Variants in ZNF804B observed in about 807,000 individuals in gnomAD.
ZNF804B encodes zinc finger protein 804B.
ZNF804B carries 80 observed loss-of-function variants against 101.4 expected under a neutral mutation model. The ratio of observed to expected loss-of-function variants is 0.79; its 90% CI spans 0.66 to 0.95. ZNF804B has a LOEUF of 0.95. ZNF804B is among the 40% of genes least tolerant of loss of function. The pLI is 0.00. For missense variants in ZNF804B, 1,673 were observed against 1,561.9 expected, an observed-to-expected ratio of 1.07 and a Z score of -1.20; for synonymous variants, 622 against 558.8, an observed-to-expected ratio of 1.11 and a Z score of -1.59.
At chr7:88,901,700 C>T (rs1455934189) in intron 1 of ZNF804B, among the ~76,000 whole-genome samples, 1 of 151,658 alleles carries the variant, frequency 6.6e-6, no homozygotes, top group Non-Finnish European at 1.5e-5. Context: ...GATCCAAAGA[C>T]AAATTTTTAG....
chr7:88,800,263 T>C (rs183787872), intron 1 of ZNF804B, among the ~76,000 whole-genome samples: 9 of 152,192 alleles, frequency 5.9e-5, no homozygotes. Flanking sequence ...TGAACATTTA[T>C]TGAAAAAGAC....
intron 1 of ZNF804B, among the ~76,000 whole-genome samples, chr7:88,782,900 G>A (rs1790251116): frequency 6.6e-6 from 1 of 152,034 alleles, no homozygotes; most frequent in Admixed American, 6.6e-5. Flanking sequence ...GGACTCTTGG[G>A]GGAAGCATCA....
intron 1 of ZNF804B, among the ~76,000 whole-genome samples, chr7:89,171,983 A>G (rs1276387144): frequency 6.7e-6 from 1 of 150,060 alleles, no homozygotes; most frequent in East Asian, 2.3e-4. Flanking sequence ...AGTCCCTGAC[A>G]CTTACAGAAA....
rs183442858 is a variant in ZNF804B at position 89,134,446 on chromosome 7, A to G, written c.109-83709A>G. 1.5e-3 allele frequency among the ~76,000 whole-genome samples: 226 copies of G among 152,228 alleles called. 1 individual carries two copies. Among genetic ancestry groups the G allele is most frequent in the African/African-American group, 5.1e-3 (212 of 41,560 alleles). On this transcript the variant is annotated intron_variant, in intron 1 of 3. Coordinates refer to ENST00000333190, the MANE Select transcript of ZNF804B (RefSeq NM_181646.5). ...CTAACAGAGCATAATCTCTGCATCCAGAAACAATGAATGAAGAATGGTAGA... is the reference window on the plus strand; with the variant it reads ...CTAACAGAGCATAATCTCTGCATCCGGAAACAATGAATGAAGAATGGTAGA...
chr7:89,020,543 G>T (rs76740619), intron 1 of ZNF804B, among the ~76,000 whole-genome samples: 2 of 152,032 alleles, frequency 1.3e-5, no homozygotes, highest in Non-Finnish European at 2.9e-5. Flanking sequence ...CTCAGAGAGG[G>T]TCTGTTTGGC....
intron 2 of ZNF804B, among the ~76,000 whole-genome samples, chr7:89,282,875 G>A (rs896383363): frequency 2.6e-5 from 4 of 152,104 alleles, no homozygotes; most frequent in South Asian, 2.1e-4. Flanking sequence ...TGAAGGAAGC[G>A]TGGCCCTGCC....
At chr7:89,299,613 A>G (rs1005145630) in intron 2 of ZNF804B, among the ~76,000 whole-genome samples, 2 of 152,066 alleles carry the variant, frequency 1.3e-5, no homozygotes, top group African/African-American at 4.8e-5. Context: ...TGGCTTATTC[A>G]GAGTGCTTTT....
intron 1 of ZNF804B, among the ~76,000 whole-genome samples, chr7:89,153,500 C>T (rs918929106): frequency 5.3e-5 from 8 of 151,362 alleles, no homozygotes; most frequent in Admixed American, 6.6e-5. Context: ...TAGACGTTTA[C>T]TTTTGTACCT....
intron 1 of ZNF804B, among the ~76,000 whole-genome samples, chr7:89,186,554 A>G (rs1788377572): frequency 6.6e-6 from 1 of 152,144 alleles, no homozygotes; most frequent in Admixed American, 6.6e-5. Flanking sequence ...TAAACACTTA[A>G]GTATGAATAC....
At position 89,335,981 on chromosome 7, in the gene ZNF804B, C is replaced by T; in HGVS notation, c.2999C>T (p.Thr1000Ile). The change falls in exon 4 of 4, where the codon ACT becomes ATT. Residue 1000 changes from threonine to isoleucine, a missense_variant. Physicochemically the swap from Thr to Ile is moderately conservative, Grantham distance 89. Transcript: ENST00000333190. ...RNDQDSAIPR[T>I]TEKDKSKSSH... ...GATCAAGACAGTGCAATTCCAAGGA[C>T]TACGGAGAAAGACAAAAGCAAAAGT... is the stretch of plus-strand genomic sequence containing the variant. 1 of 1,614,010 alleles carries T rather than the reference C, an allele frequency of 6.2e-7. No individual in the cohort carries two copies. The highest frequency in any genetic ancestry group is 8.5e-7 in the Non-Finnish European group (1 of 1,179,968).
chr7:88,966,840 A>T (rs1215098398), intron 1 of ZNF804B, among the ~76,000 whole-genome samples: 1 of 151,574 alleles, frequency 6.6e-6, no homozygotes, highest in Non-Finnish European at 1.5e-5. Flanking sequence ...TTAATATTTC[A>T]AGACACGTGT....
intron 1 of ZNF804B, among the ~76,000 whole-genome samples, chr7:89,197,004 T>A (rs1293000809): frequency 6.6e-6 from 1 of 151,692 alleles, no homozygotes; most frequent in African/African-American, 2.4e-5. Context: ...ATAGGAATGC[T>A]TTTACACTGT....
At chr7:88,961,737 A>G (rs544722744) in intron 1 of ZNF804B, among the ~76,000 whole-genome samples, 1 of 151,322 alleles carries the variant, frequency 6.6e-6, no homozygotes, top group Non-Finnish European at 1.5e-5. Flanking sequence ...GCATGACACA[A>G]ACTATATCAC....
chr7:88,835,602 T>C (rs923772044), intron 1 of ZNF804B, among the ~76,000 whole-genome samples: 3 of 151,914 alleles, frequency 2.0e-5, no homozygotes, highest in African/African-American at 7.2e-5. Context: ...GTTCAAAATA[T>C]AATTTAAAGG....
intron 1 of ZNF804B, among the ~76,000 whole-genome samples, chr7:89,115,894 A>G (rs780272366): frequency 5.5e-5 from 7 of 127,072 alleles, no homozygotes; most frequent in Non-Finnish European, 8.0e-5. Context: ...AAAGGTCAAC[A>G]GGTTTTTTTG....
intron 1 of ZNF804B, among the ~76,000 whole-genome samples, chr7:89,206,479 C>T (rs1045619142): frequency 4.6e-5 from 7 of 152,142 alleles, no homozygotes; most frequent in South Asian, 2.1e-4. Context: ...TGGCCAGGCA[C>T]GGTGGCTCAT....
At chr7:89,106,136 C>A (rs1790133023) in intron 1 of ZNF804B, among the ~76,000 whole-genome samples, 4 of 152,128 alleles carry the variant, frequency 2.6e-5, no homozygotes, top group African/African-American at 9.7e-5. Context: ...CAGTACTATT[C>A]CCTGTTTTAC....
chr7:89,159,131 C>T (rs1584023247), intron 1 of ZNF804B, among the ~76,000 whole-genome samples: 1 of 152,104 alleles, frequency 6.6e-6, no homozygotes, highest in Admixed American at 6.6e-5. Flanking sequence ...TTCTCAATCT[C>T]CTGGATGATT....
intron 2 of ZNF804B, among the ~76,000 whole-genome samples, chr7:89,219,613 C>A (rs1232963733): frequency 6.6e-6 from 1 of 151,250 alleles, no homozygotes; most frequent in Non-Finnish European, 1.5e-5. Flanking sequence ...GCGATACTGG[C>A]AATTTAGGAA....
Sources: gnomAD v4.1 joint callset for allele counts (sites outside exome capture counted in the v4.1 genomes callset) on GRCh38, gnomAD v4.1.1 for gene constraint, MANE v1.5 for transcripts, NCBI Gene and HGNC (gene_info 2026-07-23, HGNC 2026-07-21) for gene names.